Variants in PSMG2 observed in about 807,000 individuals in gnomAD.
PSMG2 encodes the protein proteasome assembly chaperone 2, also known as CD40 ligand-activated specific transcript 3.
Under a neutral mutation model 31.5 loss-of-function variants are expected in PSMG2, and 21 were observed. That is an observed-to-expected ratio of 0.67 (90% CI 0.47 to 0.96). The LOEUF (loss-of-function observed/expected upper bound fraction) is 0.96. Ranked by LOEUF, PSMG2 falls within the 40% of genes least tolerant of loss-of-function variation. The probability of loss-of-function intolerance (pLI) is 0.00; values close to 1 mark genes in which losing one functional copy is unlikely to be tolerated. For synonymous variants in PSMG2, 120 were observed against 110.4 expected (o/e 1.09, Z -0.54); for missense variants, 318 against 321.2 (o/e 0.99, Z 0.08).
At chr18:12,682,614 T>A (rs916153506) in intron 1 of PSMG2, among the ~76,000 whole-genome samples, 10 of 151,948 alleles carry the variant, frequency 6.6e-5, no homozygotes, top group African/African-American at 2.2e-4. Flanking sequence ...TAATAACCAA[T>A]CTTTTATTTT....
At chr18:12,678,121 T>C (rs749740623) in intron 1 of PSMG2, 1 of 1,610,988 alleles carries the variant, frequency 6.2e-7, no homozygotes, top group Non-Finnish European at 8.5e-7. Flanking sequence ...TCCTGTGTTC[T>C]GACACCAGGA....
intron 3 of PSMG2, among the ~76,000 whole-genome samples, chr18:12,717,500 A>G (rs1568044045): frequency 6.6e-6 from 1 of 152,228 alleles, no homozygotes. Context: ...GAAACAATCC[A>G]GAAGTAGGCT....
chr18:12,711,601 C>T (rs1450365696), intron 2 of PSMG2, among the ~76,000 whole-genome samples: 3 of 152,088 alleles, frequency 2.0e-5, no homozygotes, highest in Non-Finnish European at 2.9e-5. Context: ...AGACAATTTC[C>T]GAAAGACCTG....
intron 1 of PSMG2, among the ~76,000 whole-genome samples, chr18:12,683,381 A>G (rs2847307): frequency 6.6e-6 from 1 of 151,090 alleles, no homozygotes; most frequent in Non-Finnish European, 1.5e-5. Flanking sequence ...CAACAACAAC[A>G]AAACCACTGA....
Position 12,720,059 on chromosome 18 carries a change from C to A in PSMG2, c.408-451C>A, listed in dbSNP as rs115241960. 6.5e-3 allele frequency among the ~76,000 whole-genome samples: 966 copies of A among 148,646 alleles called. 8 individuals carry two copies. Among genetic ancestry groups the A allele is most frequent in the African/African-American group, 0.023 (932 of 40,314 alleles). ...GATCATTTATTTTTTATTTTTTATT[C>A]TTTTGGGGATGGAGTCTCACTCTGT... is the stretch of plus-strand genomic sequence containing the variant. On this transcript the variant is annotated intron_variant, in intron 4 of 6. Coordinates refer to ENST00000317615, the MANE Select transcript of PSMG2 (RefSeq NM_020232.5).
upstream of PSMG2, chr18:12,702,777 G>T (rs193179638): frequency 1.7e-6 from 1 of 580,738 alleles, no homozygotes; most frequent in Non-Finnish European, 3.0e-6. Context: ...GGACAAACAG[G>T]GCTTGGGGCT....
At chr18:12,678,316 A>G (rs761369841) in intron 1 of PSMG2, 1 of 1,614,186 alleles carries the variant, frequency 6.2e-7, no homozygotes, top group Non-Finnish European at 8.5e-7. Context: ...CTACTGCATC[A>G]GAGGGTTGAC....
At chr18:12,701,849 T>C (rs886886735), upstream of PSMG2, among the ~76,000 whole-genome samples, 3 of 152,204 alleles carry the variant, frequency 2.0e-5, no homozygotes, top group African/African-American at 4.8e-5. Context: ...CCCTGATATC[T>C]GCCGGGCGCG....
At chr18:12,684,527 C>G (rs747430268) in intron 1 of PSMG2, 3 of 150,710 alleles carry the variant, frequency 2.0e-5, no homozygotes, top group Non-Finnish European at 4.4e-5. Flanking sequence ...ATTGCCCACA[C>G]TGGAGTGCGA....
chr18:12,679,195 G>T (rs2039257049), intron 1 of PSMG2: 1 of 152,144 alleles, frequency 6.6e-6, no homozygotes, highest in East Asian at 1.9e-4. Context: ...TAAAAAAGAA[G>T]CTAAGGAAAG....
chr18:12,698,263 CTG>C (rs2040029815), upstream of PSMG2, among the ~76,000 whole-genome samples: 1 of 151,944 alleles, frequency 6.6e-6, no homozygotes, highest in Non-Finnish European at 1.5e-5. Context: ...GAGTCTCACT[CTG>C]TTGCCCAGGC....
chr18:12,702,864 C>G, upstream of PSMG2: 2 of 574,062 alleles, frequency 3.5e-6, no homozygotes, highest in East Asian at 6.4e-5. Flanking sequence ...CCTCAGCGCA[C>G]CCCATCGCCT....
rs376140760 is a variant in PSMG2 at position 12,681,995 on chromosome 18, C to CT, written c.-37+23223dup. The stretch of plus-strand genomic sequence containing the variant: ...TGGACAACAGAGTGAGACTCTGTCT[C>CT]TAAAAAAAAAAAGAAAAAAAGAAAA... On this transcript the variant is annotated intron_variant, in intron 1 of 6. Coordinates refer to the PSMG2 transcript ENST00000585331. 9.5e-3 allele frequency among the ~76,000 whole-genome samples: 1,388 copies of CT among 146,006 alleles called. 24 individuals are homozygous for CT. The highest frequency in any genetic ancestry group is 0.034 in the African/African-American group (1,326 of 38,906).
chr18:12,696,450 C>T (rs1207034699), intron 1 of PSMG2, among the ~76,000 whole-genome samples: 1 of 151,998 alleles, frequency 6.6e-6, no homozygotes, highest in Non-Finnish European at 1.5e-5. Flanking sequence ...TTGCAGTGAG[C>T]CGAGATTGCA....
At chr18:12,662,205 A>G (rs1318639413) in intron 1 of PSMG2, 4 of 441,688 alleles carry the variant, frequency 9.1e-6, no homozygotes, top group African/African-American at 8.2e-5. Context: ...AAAAAAAAAC[A>G]GCATATTTTT....
intron 1 of PSMG2, among the ~76,000 whole-genome samples, chr18:12,679,855 G>T (rs1222522213): frequency 6.6e-6 from 1 of 151,934 alleles, no homozygotes; most frequent in Non-Finnish European, 1.5e-5. Context: ...TTGAGCCCAG[G>T]AGTTCAAGAC....
At position 12,703,083 on chromosome 18, in the gene PSMG2, C is replaced by A. The variant is rs765292383; in HGVS notation, c.-25C>A. 6.2e-7 allele frequency: 1 copy of A among 1,609,650 alleles called. No homozygotes were observed. The highest frequency in any genetic ancestry group is 8.5e-7 in the Non-Finnish European group (1 of 1,178,474). ...CGTTCTTGCCAGGGCCGCGGTTAGT[C>A]CCTGCTGGCCACCCCACTGCGACCA... On this transcript the variant is annotated 5_prime_UTR_variant, in exon 1 of 7. Coordinates refer to ENST00000317615, the MANE Select transcript of PSMG2 (RefSeq NM_020232.5).
chr18:12,702,501 G>A (rs1347255033), upstream of PSMG2: 1 of 1,609,912 alleles, frequency 6.2e-7, no homozygotes, highest in East Asian at 2.2e-5. Context: ...TCAGCTGCTG[G>A]TGGATGAGCT....
At chr18:12,659,422 C>CT (rs1415911720) in intron 1 of PSMG2, among the ~76,000 whole-genome samples, 1 of 152,160 alleles carries the variant, frequency 6.6e-6, no homozygotes, top group Non-Finnish European at 1.5e-5. Flanking sequence ...AATCCCAGCA[C>CT]TTTGGGAGGC....
Sources: allele counts gnomAD v4.1 joint callset (sites outside exome capture counted in the v4.1 genomes callset), GRCh38; gene constraint gnomAD v4.1.1; transcripts MANE v1.5; gene names NCBI Gene and HGNC (gene_info 2026-07-23, HGNC 2026-07-21).